IFIH1: variants seen among roughly 807,000 people sequenced by gnomAD.
IFIH1 encodes the protein interferon-induced helicase C domain-containing protein 1.
Under a neutral mutation model 107.4 loss-of-function variants are expected in IFIH1, and 125 were observed. That is an observed-to-expected ratio of 1.16 (90% CI 1.01 to 1.35). The LOEUF (loss-of-function observed/expected upper bound fraction) is 1.35, where lower values mean the gene tolerates loss of function less well. Among genes scored for constraint, IFIH1 ranks in the 40% most tolerant of loss-of-function variants. The pLI, the probability that IFIH1 is intolerant of heterozygous loss-of-function variation, is 0.00. For missense variants in IFIH1, 1,333 were observed against 1,213.7 expected, an observed-to-expected ratio of 1.10 and a Z score of -1.46; for synonymous variants, 458 against 413.2, an observed-to-expected ratio of 1.11 and a Z score of -1.31.
chr2:162,272,495 G>A, intron 12 of IFIH1, 108 bp from the exon 13 acceptor site: 1 of 899,850 alleles, frequency 1.1e-6, no homozygotes, highest in South Asian at 1.7e-5. Flanking sequence ...ATATTGGGTT[G>A]TTCAGCATGC....
intron 3 of IFIH1, among the ~76,000 whole-genome samples, chr2:162,295,302 T>G (rs12471127): frequency 0.034 from 5,227 of 152,114 alleles, 440 homozygotes; most frequent in Admixed American, 0.21. Context: ...TCATGCAATA[T>G]GTAGCCTTTA....
At chr2:162,288,760 C>A (rs1473751456) in intron 4 of IFIH1, among the ~76,000 whole-genome samples, 2 of 151,846 alleles carry the variant, frequency 1.3e-5, no homozygotes, top group Non-Finnish European at 2.9e-5. Context: ...TTTCACTTAG[C>A]CCTTCCACCT....
At position 162,301,491 on chromosome 2, in the gene IFIH1, T is replaced by C. The variant is rs531582920; in HGVS notation, c.769+5218A>G. Among the ~76,000 whole-genome samples the C allele has an allele frequency of 1.6e-3, 240 of 152,322 alleles. 3 individuals carry two copies. The highest frequency in any genetic ancestry group is 5.6e-3 in the African/African-American group (232 of 41,584). On this transcript the variant is annotated intron_variant, in intron 3 of 15. Coordinates refer to ENST00000649979, the MANE Select transcript of IFIH1 (RefSeq NM_022168.4). ...CTGCTCCATTCTGCATAAAAGTTTA[T>C]ACCAAATGCAATAAAGTTGACTTAG...
rs761278206 is a variant in IFIH1, at chr2:162,281,526, A to G, written c.1326T>C (p.Ile442=). 3 of 1,609,860 alleles carry G rather than the reference A, an allele frequency of 1.9e-6. No homozygotes were observed. In the South Asian group the frequency reaches 3.3e-5, roughly 18 times the overall value. ...CTTTGTTGGTGTGATGACATTCATC[A>G]ATGATAATGAGGGAAAAGTCTTAAA... is the stretch of plus-strand genomic sequence containing the variant. The part of the protein sequence containing the change: ...VQLSDFSLII[I]DECHHTNKEA... Residue 442 remains isoleucine (I), a synonymous_variant, in exon 7 of 16, where the codon ATT becomes ATC. Transcript: ENST00000649979.
At chr2:162,289,406 C>T (rs1481475763) in intron 4 of IFIH1, among the ~76,000 whole-genome samples, 3 of 151,488 alleles carry the variant, frequency 2.0e-5, no homozygotes. Flanking sequence ...AAATGCATAG[C>T]TTATAATGTG....
intron 5 of IFIH1, among the ~76,000 whole-genome samples, chr2:162,284,203 G>C (rs2105204865): frequency 6.6e-6 from 1 of 151,948 alleles, no homozygotes; most frequent in Middle Eastern, 3.4e-3. Context: ...AGCCGTTCTT[G>C]AATCATTTTC....
At chr2:162,285,709 T>C (rs1037118650) in intron 5 of IFIH1, among the ~76,000 whole-genome samples, 2 of 152,028 alleles carry the variant, frequency 1.3e-5, no homozygotes, top group Admixed American at 6.6e-5. Flanking sequence ...CGAAGAATCA[T>C]GTAGATCCAA....
At chr2:162,308,771 C>T (rs1483320093) in intron 2 of IFIH1, among the ~76,000 whole-genome samples, 1 of 152,142 alleles carries the variant, frequency 6.6e-6, no homozygotes, top group Non-Finnish European at 1.5e-5. Flanking sequence ...GACAAAATTC[C>T]ATCTGTAGCA....
chr2:162,294,943 A>G (rs1394900754), intron 3 of IFIH1, among the ~76,000 whole-genome samples: 1 of 151,988 alleles, frequency 6.6e-6, no homozygotes, highest in African/African-American at 2.4e-5. Context: ...ATACAACTCA[A>G]AACTGCAAAT....
rs565285704 is a variant in IFIH1 at position 162,287,726 on chromosome 2, A to G, written c.1095+409T>C. Among the ~76,000 whole-genome samples the G allele has an allele frequency of 7.2e-5, 11 of 152,088 alleles. No individual in the cohort carries two copies. In the South Asian group the frequency reaches 8.3e-4, roughly 11 times the overall value. On this transcript the variant is annotated intron_variant, in intron 5 of 15. Transcript: ENST00000649979. ...TCAACAGCTAAAGAGAAAGTAAAAA[A>G]CAATATTTGATCCTTGATTCCAGTG...
At chr2:162,314,833 A>G (rs936663575) in intron 1 of IFIH1, among the ~76,000 whole-genome samples, 3 of 152,034 alleles carry the variant, frequency 2.0e-5, no homozygotes. Flanking sequence ...CTACAACACA[A>G]CTTCACGAAA....
At chr2:162,274,500 G>T (rs935915306) in intron 11 of IFIH1, among the ~76,000 whole-genome samples, 1 of 152,162 alleles carries the variant, frequency 6.6e-6, no homozygotes, top group Non-Finnish European at 1.5e-5. Context: ...CTAGGGAGGG[G>T]AGCTGGAAGA....
At position 162,281,540 on chromosome 2, in the gene IFIH1, A is replaced by G. The variant is rs139714761; in HGVS notation, c.1312T>C (p.Ser438Pro). The G allele has an allele frequency of 5.9e-5, 94 of 1,601,778 alleles. No individual in the cohort carries two copies. The highest frequency in any genetic ancestry group is 3.4e-4 in the East Asian group (15 of 44,678). ...TGACATTCATCAATGATAATGAGGG[A>G]AAAGTCTTAAAAGAAAATTCAAAGA... ...EDAGVQLSDF[S>P]LIIIDECHHT... The change falls in exon 7 of 16, where the codon TCC becomes CCC. Residue 438 changes from serine (S) to proline (P), a missense_variant. Coordinates refer to ENST00000649979, the MANE Select transcript of IFIH1 (RefSeq NM_022168.4).
intron 6 of IFIH1, among the ~76,000 whole-genome samples, chr2:162,282,012 A>G (rs1682818427): frequency 1.3e-5 from 2 of 151,798 alleles, no homozygotes; most frequent in Admixed American, 1.3e-4. Flanking sequence ...ATTTTTTTCC[A>G]TTCTTTCTCC....
At chr2:162,288,758 A>C (rs1183923801) in intron 4 of IFIH1, among the ~76,000 whole-genome samples, 2 of 151,902 alleles carry the variant, frequency 1.3e-5, no homozygotes, top group Non-Finnish European at 2.9e-5. Flanking sequence ...TGTTTCACTT[A>C]GCCCTTCCAC....
At chr2:162,311,305 T>G (rs1234864963) in intron 1 of IFIH1, among the ~76,000 whole-genome samples, 1 of 152,156 alleles carries the variant, frequency 6.6e-6, no homozygotes, top group Non-Finnish European at 1.5e-5. Context: ...ATGTCTATTT[T>G]CACCAATTTC....
intron 13 of IFIH1, among the ~76,000 whole-genome samples, chr2:162,271,771 A>T (rs1691044593): frequency 6.6e-6 from 1 of 152,174 alleles, no homozygotes. Flanking sequence ...CACCAGGCAC[A>T]CACTAGAAAT....
At chr2:162,297,899 AT>A (rs1683122411) in intron 3 of IFIH1, among the ~76,000 whole-genome samples, 1 of 152,124 alleles carries the variant, frequency 6.6e-6, no homozygotes, top group African/African-American at 2.4e-5. Flanking sequence ...AAAAAGCCTT[AT>A]TTTGCAATCA....
intron 1 of IFIH1, among the ~76,000 whole-genome samples, chr2:162,313,050 T>A (rs1386359905): frequency 6.6e-6 from 1 of 152,180 alleles, no homozygotes; most frequent in Non-Finnish European, 1.5e-5. Flanking sequence ...TCCAAGCATA[T>A]AAGGATCATG....
Sources: allele counts gnomAD v4.1 joint callset (sites outside exome capture counted in the v4.1 genomes callset), GRCh38; gene constraint gnomAD v4.1.1; transcripts MANE v1.5; gene names NCBI Gene and HGNC (gene_info 2026-07-23, HGNC 2026-07-21).